The following TGS1 variants were observed in gnomAD, a reference collection of about 807,000 sequenced individuals.
TGS1 encodes trimethylguanosine synthase.
Under a neutral mutation model 92.2 loss-of-function variants are expected in TGS1, and 69 were observed. That is an observed-to-expected ratio of 0.75 (90% CI 0.62 to 0.91). TGS1 has a LOEUF of 0.91. TGS1 is among the 40% of genes least tolerant of loss of function. TGS1 has a pLI of 0.00. For missense variants in TGS1, 1,062 were observed against 1,001.2 expected (o/e 1.06, Z -0.82); for synonymous variants, 345 against 338.1 (o/e 1.02, Z -0.22).
At chr8:55,787,869 G>T (rs1164252226) in intron 4 of TGS1, among the ~76,000 whole-genome samples, 1 of 152,198 alleles carries the variant, frequency 6.6e-6, no homozygotes, top group South Asian at 2.1e-4. Flanking sequence ...AGGGGCATAG[G>T]CATGCCACAT....
intron 8 of TGS1, among the ~76,000 whole-genome samples, chr8:55,799,909 G>A (rs982315903): frequency 2.0e-5 from 3 of 152,142 alleles, no homozygotes; most frequent in African/African-American, 7.2e-5. Context: ...GTGTTTGTGT[G>A]TGTGTGGTTG....
chr8:55,798,514 G>A (rs901465033), intron 7 of TGS1, among the ~76,000 whole-genome samples: 17 of 152,104 alleles, frequency 1.1e-4, no homozygotes, highest in African/African-American at 3.6e-4. Flanking sequence ...CTTGACCATT[G>A]CAGAAAGGTC....
At position 55,824,417 on chromosome 8, in the gene TGS1, A is replaced by G. The variant is rs77755609; in HGVS notation, c.2440-164A>G. On this transcript the variant is annotated intron_variant, in intron 12 of 12. Coordinates refer to ENST00000260129, the MANE Select transcript of TGS1 (RefSeq NM_024831.8). ...ACAACAAGTATTCCCACCTCCAAAT[A>G]TTGCATCGATGCCTGGGAAGTAGCA... Among the ~76,000 whole-genome samples the G allele has an allele frequency of 2.4e-3, 367 of 152,290 alleles. 13 individuals are homozygous for G. In the East Asian group the frequency reaches 0.069, roughly 29 times the overall value.
chr8:55,824,494 C>T (rs1803738529), intron 12 of TGS1, 87 bp from the exon 13 acceptor site: 3 of 1,539,144 alleles, frequency 1.9e-6, no homozygotes, highest in African/African-American at 2.8e-5. Flanking sequence ...CCAGAGTCTT[C>T]CTATTATTTG....
rs1207789420 is a variant in TGS1, at chr8:55,824,868, C to A, written c.*165C>A. 2.9e-6 allele frequency: 2 copies of A among 700,764 alleles called. No homozygotes were observed. The highest frequency in any genetic ancestry group is 1.8e-5 in the African/African-American group (1 of 55,042). 43.4% of individuals were successfully genotyped at this position (700,764 alleles called of 1,614,324 possible). ...AAATATCAGTGAAATATTTTGAGAT[C>A]TTTGAATAATTCCTTTAGAGGAATT... On this transcript the variant is annotated 3_prime_UTR_variant, in exon 13 of 13. Transcript: ENST00000260129.
chr8:55,783,702 GGA>G (rs1277953764), intron 2 of TGS1, among the ~76,000 whole-genome samples: 5 of 152,118 alleles, frequency 3.3e-5, no homozygotes, highest in African/African-American at 1.2e-4. Context: ...ATTACAGCGT[GGA>G]GTTAGAAGCC....
intron 12 of TGS1, among the ~76,000 whole-genome samples, chr8:55,818,055 C>T (rs1017010039): frequency 3.9e-5 from 6 of 152,160 alleles, no homozygotes; most frequent in Non-Finnish European, 7.3e-5. Context: ...TGCCACACAG[C>T]GACAGTCTTA....
intron 5 of TGS1, 43 bp from the exon 6 acceptor site, chr8:55,792,655 C>T (rs753529100): frequency 1.5e-6 from 2 of 1,375,664 alleles, no homozygotes; most frequent in South Asian, 2.3e-5. Context: ...CTAGTGGGCT[C>T]TGGTGGTAAT....
intron 4 of TGS1, 180 bp from the exon 5 acceptor site, chr8:55,790,002 A>G: frequency 1.8e-6 from 1 of 544,080 alleles, no homozygotes; most frequent in East Asian, 3.1e-5. Context: ...TATAGTTAAG[A>G]TTTTTAAAAT....
intron 12 of TGS1, among the ~76,000 whole-genome samples, chr8:55,813,739 G>A (rs1803398073): frequency 6.6e-6 from 1 of 151,792 alleles, no homozygotes; most frequent in Non-Finnish European, 1.5e-5. Flanking sequence ...TCCTTTCTCT[G>A]GGACATCTAT....
chr8:55,785,607 C>T, intron 2 of TGS1, 112 bp from the exon 3 acceptor site: 1 of 712,740 alleles, frequency 1.4e-6, no homozygotes, highest in Non-Finnish European at 2.2e-6. Context: ...GTAACATTTG[C>T]ATACCTTTAT....
At position 55,787,938 on chromosome 8, in the gene TGS1, A is replaced by G. The variant is rs560496187; in HGVS notation, c.1162+878A>G. 3.3e-4 allele frequency among the ~76,000 whole-genome samples: 51 copies of G among 152,304 alleles called. 1 individual carries two copies. Among genetic ancestry groups the G allele is most frequent in the Admixed American group, 3.2e-3 (49 of 15,308 alleles). On this transcript the variant is annotated intron_variant, in intron 4 of 12. Coordinates refer to ENST00000260129, the MANE Select transcript of TGS1 (RefSeq NM_024831.8). ...CCCAGGCTCTTGTTAGCAATCAGAT[A>G]TTGCAGTAACTCATTACCATGGGGA...
At chr8:55,791,635 G>A (rs962149669) in intron 5 of TGS1, among the ~76,000 whole-genome samples, 5 of 152,166 alleles carry the variant, frequency 3.3e-5, no homozygotes, top group African/African-American at 9.7e-5. Flanking sequence ...TCTAAACAAC[G>A]TGCGTGACCT....
chr8:55,816,148 A>G (rs1188094027), intron 12 of TGS1, among the ~76,000 whole-genome samples: 1 of 152,104 alleles, frequency 6.6e-6, no homozygotes, highest in Admixed American at 6.6e-5. Context: ...TGATGCCTGT[A>G]TCTTGCCATG....
chr8:55,822,664 T>C (rs1474348548), intron 12 of TGS1, among the ~76,000 whole-genome samples: 1 of 152,110 alleles, frequency 6.6e-6, no homozygotes, highest in African/African-American at 2.4e-5. Context: ...TTGCTATTTT[T>C]AAATTTCTAG....
chr8:55,796,268 A>T (rs1022400224), intron 7 of TGS1, 116 bp downstream of exon 7: 238 of 633,964 alleles, frequency 3.8e-4, no homozygotes, highest in Middle Eastern at 3.4e-3. Context: ...AAGGTACATA[A>T]TTTTTTTTTT....
At chr8:55,782,862 A>T (rs1811605502) in intron 2 of TGS1, 50 bp downstream of exon 2, 13 of 1,217,148 alleles carry the variant, frequency 1.1e-5, no homozygotes, top group Non-Finnish European at 1.5e-5. Flanking sequence ...ATTAGCCATA[A>T]TGTGTTAATT....
chr8:55,806,511 A>T (rs1812378651), intron 10 of TGS1, among the ~76,000 whole-genome samples: 3 of 152,118 alleles, frequency 2.0e-5, no homozygotes, highest in Non-Finnish European at 4.4e-5. Context: ...CATACAATGT[A>T]CAAAATATGT....
At chr8:55,819,148 C>T (rs1227850933) in intron 12 of TGS1, among the ~76,000 whole-genome samples, 5 of 152,046 alleles carry the variant, frequency 3.3e-5, no homozygotes, top group African/African-American at 7.2e-5. Flanking sequence ...CACCATGTTG[C>T]CCAGGTTGGA....
Sources: allele counts gnomAD v4.1 joint callset (sites outside exome capture counted in the v4.1 genomes callset), GRCh38; gene constraint gnomAD v4.1.1; transcripts MANE v1.5; gene names NCBI Gene and HGNC (gene_info 2026-07-23, HGNC 2026-07-21).